The following TRABD2B variants were observed in gnomAD, a reference collection of about 807,000 sequenced individuals.
TRABD2B encodes the protein metalloprotease TIKI2.
A neutral mutation model predicts 40.1 loss-of-function variants in TRABD2B; 14 were observed. The ratio of observed to expected loss-of-function variants is 0.35; its 90% CI spans 0.23 to 0.55. The LOEUF (loss-of-function observed/expected upper bound fraction) is 0.55, where lower values mean the gene tolerates loss of function less well. Among genes scored for constraint, TRABD2B ranks in the 20% least tolerant of loss-of-function variants. The pLI is 0.90. For missense variants in TRABD2B, 541 were observed against 648.6 expected, an observed-to-expected ratio of 0.83 and a Z score of 1.80; for synonymous variants, 263 against 277.0, an observed-to-expected ratio of 0.95 and a Z score of 0.50.
intron 2 of TRABD2B, among the ~76,000 whole-genome samples, chr1:47,902,609 G>A (rs927052873): frequency 5.9e-5 from 9 of 152,188 alleles, no homozygotes; most frequent in African/African-American, 2.2e-4. Context: ...TGATCCTCCT[G>A]CCATATCCTC....
chr1:47,842,512 T>C (rs1645412681), intron 2 of TRABD2B, among the ~76,000 whole-genome samples: 1 of 152,156 alleles, frequency 6.6e-6, no homozygotes. Context: ...CCAGCCTCGG[T>C]GGAAAGCTTC....
intron 3 of TRABD2B, 46 bp downstream of exon 3, chr1:47,801,427 G>A (rs1017421202): frequency 1.3e-6 from 2 of 1,522,098 alleles, no homozygotes; most frequent in African/African-American, 1.4e-5. Flanking sequence ...ACGTCATAGG[G>A]ATCTAATAAA....
At chr1:47,854,153 A>G (rs1346481589) in intron 2 of TRABD2B, among the ~76,000 whole-genome samples, 1 of 152,186 alleles carries the variant, frequency 6.6e-6, no homozygotes, top group African/African-American at 2.4e-5. Context: ...TCAATTTCTG[A>G]ACCTCTGTAA....
At chr1:47,981,967 T>A (rs1645847167) in intron 2 of TRABD2B, among the ~76,000 whole-genome samples, 2 of 152,226 alleles carry the variant, frequency 1.3e-5, no homozygotes, top group African/African-American at 4.8e-5. Context: ...AGGGCAGAGC[T>A]GGGCCTCAAG....
chr1:47,951,492 C>T (rs971273493), intron 2 of TRABD2B, among the ~76,000 whole-genome samples: 4 of 152,172 alleles, frequency 2.6e-5, no homozygotes, highest in African/African-American at 7.2e-5. Flanking sequence ...GTTCCTTTGT[C>T]AGGTGGGCCC....
chr1:47,769,781 AG>A (rs1644354948), intron 6 of TRABD2B, among the ~76,000 whole-genome samples: 1 of 152,170 alleles, frequency 6.6e-6, no homozygotes, highest in Admixed American at 6.5e-5. Context: ...CTTGGGCAGA[AG>A]GCAGAAGCCT....
chr1:47,886,378 C>T (rs1644371127), intron 2 of TRABD2B, among the ~76,000 whole-genome samples: 2 of 152,168 alleles, frequency 1.3e-5, no homozygotes, highest in African/African-American at 4.8e-5. Context: ...GTGGGGCAGG[C>T]GGGGTTTGCT....
chr1:47,812,734 GA>G (rs1644981868), intron 2 of TRABD2B, among the ~76,000 whole-genome samples: 1 of 152,228 alleles, frequency 6.6e-6, no homozygotes, highest in East Asian at 1.9e-4. Context: ...AAAAAACAAA[GA>G]AAGAAAGAAA....
At position 47,994,607 on chromosome 1, in the gene TRABD2B, T is replaced by C. The variant is rs1646063399; in HGVS notation, c.103-10A>G. Reference sequence around the variant, plus strand: ...AGTTCAAGTCCCTCTGCTGCAGGAGTAGAGAAGAGGCAAGGCAGTGAGGCC... The same window carrying C: ...AGTTCAAGTCCCTCTGCTGCAGGAGCAGAGAAGAGGCAAGGCAGTGAGGCC... On this transcript the variant is annotated splice_polypyrimidine_tract_variant and intron_variant, in intron 1 of 6. Transcript: ENST00000606738. The surrounding 1 kb of genome is among the most constrained non-coding windows in gnomAD (Gnocchi z 6.7). 6.5e-7 allele frequency: 1 copy of C among 1,530,562 alleles called. No homozygotes were observed. The highest frequency in any genetic ancestry group is 1.2e-5 in the South Asian group (1 of 83,376). 94.8% of individuals were successfully genotyped at this position (1,530,562 alleles called of 1,614,324 possible).
At chr1:47,864,384 G>T (rs769983541) in intron 2 of TRABD2B, among the ~76,000 whole-genome samples, 4 of 152,018 alleles carry the variant, frequency 2.6e-5, no homozygotes, top group Non-Finnish European at 5.9e-5. Flanking sequence ...TATAATAGGG[G>T]ATGCTGTGCA....
At chr1:47,890,299 G>T (rs975568414) in intron 2 of TRABD2B, among the ~76,000 whole-genome samples, 1 of 152,194 alleles carries the variant, frequency 6.6e-6, no homozygotes, top group Non-Finnish European at 1.5e-5. Context: ...AGCAGTGAGG[G>T]TGGCCAATGC....
At chr1:47,840,568 A>G (rs555700719) in intron 2 of TRABD2B, among the ~76,000 whole-genome samples, 93 of 152,250 alleles carry the variant, frequency 6.1e-4, no homozygotes, top group Non-Finnish European at 1.1e-3. Flanking sequence ...GGATTAATTA[A>G]TGACAGGCCT....
At chr1:47,826,171 C>T (rs550398482) in intron 2 of TRABD2B, among the ~76,000 whole-genome samples, 3 of 152,316 alleles carry the variant, frequency 2.0e-5, no homozygotes, top group African/African-American at 7.2e-5. Context: ...ACACATACAT[C>T]AAGGCAGAAG....
chr1:47,958,876 C>T (rs1645465665), intron 2 of TRABD2B, among the ~76,000 whole-genome samples: 1 of 152,318 alleles, frequency 6.6e-6, no homozygotes, highest in East Asian at 1.9e-4. Context: ...TAGACCTCTA[C>T]AGAACTCTCA....
At chr1:47,884,340 G>T (rs753008374) in intron 2 of TRABD2B, among the ~76,000 whole-genome samples, 11 of 152,188 alleles carry the variant, frequency 7.2e-5, no homozygotes, top group Non-Finnish European at 1.5e-4. Flanking sequence ...ACAGTGGCTG[G>T]TCTGAGGCCC....
At chr1:47,876,501 C>G (rs979307568) in intron 2 of TRABD2B, among the ~76,000 whole-genome samples, 1 of 152,210 alleles carries the variant, frequency 6.6e-6, no homozygotes, top group South Asian at 2.1e-4. Flanking sequence ...AGCTGGGAGA[C>G]AGACTAAGTA....
chr1:47,894,376 T>C (rs1199819761), intron 2 of TRABD2B, among the ~76,000 whole-genome samples: 3 of 152,220 alleles, frequency 2.0e-5, no homozygotes, highest in African/African-American at 4.8e-5. Flanking sequence ...CTTTGAACAG[T>C]GCTTGACACA....
chr1:47,996,038 A>G lies in TRABD2B; in HGVS notation c.102+650T>C, dbSNP rs925043344. On this transcript the variant is annotated intron_variant, in intron 1 of 6. Coordinates refer to ENST00000606738, the MANE Select transcript of TRABD2B (RefSeq NM_001194986.2). This position sits in a 1 kb window ranked among gnomAD's most constrained non-coding sequence, Gnocchi z 4.6. The stretch of plus-strand genomic sequence containing the variant: ...TTGTTTTGGAAGGAATATTAGGAGA[A>G]CCAGTAATTACTCGACCCCAAGAAA... Among the ~76,000 whole-genome samples the G allele has an allele frequency of 1.3e-5, 2 of 152,210 alleles. No homozygotes were observed. The highest frequency in any genetic ancestry group is 2.9e-5 in the Non-Finnish European group (2 of 68,044).
intron 4 of TRABD2B, among the ~76,000 whole-genome samples, chr1:47,783,646 G>T (rs571442297): frequency 1.3e-5 from 2 of 152,322 alleles, no homozygotes; most frequent in African/African-American, 4.8e-5. Flanking sequence ...ACAGGAAGAG[G>T]TTCCCTGCTC....
Sources: allele counts gnomAD v4.1 joint callset (sites outside exome capture counted in the v4.1 genomes callset), GRCh38; gene constraint gnomAD v4.1.1; non-coding constraint Gnocchi (gnomAD v3.1); transcripts MANE v1.5; gene names NCBI Gene and HGNC (gene_info 2026-07-23, HGNC 2026-07-21).